Variants in PIKFYVE observed in about 807,000 individuals in gnomAD.
The protein encoded by PIKFYVE is 1-phosphatidylinositol 3-phosphate 5-kinase.
In PIKFYVE, 122 loss-of-function variants were observed where a neutral mutation model predicts 257.9. That is an observed-to-expected ratio of 0.47 (90% CI 0.41 to 0.55). The LOEUF is 0.55. Ranked by LOEUF, PIKFYVE falls within the 20% of genes least tolerant of loss-of-function variation. The probability of loss-of-function intolerance (pLI) is 0.00; values close to 1 mark genes in which losing one functional copy is unlikely to be tolerated. For synonymous variants in PIKFYVE, 892 were observed against 868.9 expected, an observed-to-expected ratio of 1.03 and a Z score of -0.47; for missense variants, 2,160 against 2,536.6, an observed-to-expected ratio of 0.85 and a Z score of 3.19.
chr2:208,321,765 A>G (rs1219180348), intron 17 of PIKFYVE, among the ~76,000 whole-genome samples: 8 of 151,754 alleles, frequency 5.3e-5, no homozygotes, highest in Admixed American at 2.6e-4. Context: ...TTTTTAGTAG[A>G]GACGGGGTTT....
At chr2:208,348,321 A>T (rs896775020) in intron 35 of PIKFYVE, among the ~76,000 whole-genome samples, 8 of 152,166 alleles carry the variant, frequency 5.3e-5, no homozygotes, top group Non-Finnish European at 2.9e-5. Flanking sequence ...ACATGTAAAA[A>T]CATTTGTCTT....
intron 16 of PIKFYVE, among the ~76,000 whole-genome samples, chr2:208,318,950 C>A (rs1487943203): frequency 4.5e-3 from 492 of 108,160 alleles, no homozygotes; most frequent in African/African-American, 6.8e-3. Context: ...GACTCCGTCT[C>A]AAAAAAAAAA....
In PIKFYVE at chr2:208,293,352, T is replaced by G. The variant is rs975274209; in HGVS notation, c.911+4534T>G. 2.6e-5 allele frequency among the ~76,000 whole-genome samples: 4 copies of G among 152,298 alleles called. No homozygotes were observed. The East Asian group carries it at 7.7e-4, about 29-fold the overall frequency. ...ACTAAGAGTAAGAAAAAGAAAAGTTTTTACTTTAACTTATTCCTTCTTTGA... is the reference window on the plus strand; with the variant it reads ...ACTAAGAGTAAGAAAAAGAAAAGTTGTTACTTTAACTTATTCCTTCTTTGA... On this transcript the variant is annotated intron_variant, in intron 7 of 41. Transcript: ENST00000264380.
chr2:208,346,600 A>C (rs769484349), intron 34 of PIKFYVE, among the ~76,000 whole-genome samples: 2 of 152,168 alleles, frequency 1.3e-5, no homozygotes, highest in Non-Finnish European at 2.9e-5. Context: ...TAAAATTTAG[A>C]TTTAGTAACT....
At position 208,355,224 on chromosome 2, in the gene PIKFYVE, C is replaced by A. The variant is rs746993661; in HGVS notation, c.6216C>A (p.Tyr2072Ter). 1.2e-6 allele frequency: 2 copies of A among 1,613,800 alleles called. No homozygotes were observed. The highest frequency in any genetic ancestry group is 2.7e-5 in the African/African-American group (2 of 74,876). ...CAACAGTGGTGTCTCCGGAGTTGTACAGGACTAGGTTTTGTGAGGCAATGG... is the reference window on the plus strand; with the variant it reads ...CAACAGTGGTGTCTCCGGAGTTGTAAAGGACTAGGTTTTGTGAGGCAATGG... ...KMPTVVSPEL[Y>*]RTRFCEAMDK... The change falls in exon 42 of 42, where the codon TAC becomes TAA. Residue 2072 changes from tyrosine (Y) to a stop codon, truncating the protein, a stop_gained. Coordinates refer to ENST00000264380, the MANE Select transcript of PIKFYVE (RefSeq NM_015040.4). LOFTEE classifies it high-confidence loss of function.
intron 7 of PIKFYVE, among the ~76,000 whole-genome samples, chr2:208,292,349 T>C (rs144541387): frequency 6.8e-4 from 104 of 152,252 alleles, no homozygotes; most frequent in African/African-American, 2.2e-3. Flanking sequence ...TATGTTGTTA[T>C]TGATTTTCTC....
At chr2:208,268,622 G>C (rs1393244315) in intron 1 of PIKFYVE, among the ~76,000 whole-genome samples, 2 of 148,772 alleles carry the variant, frequency 1.3e-5, no homozygotes, top group Non-Finnish European at 3.0e-5. Context: ...TTTTTTGAGT[G>C]TATACTTATT....
At chr2:208,293,649 ATT>A (rs1452777222) in intron 7 of PIKFYVE, among the ~76,000 whole-genome samples, 1 of 146,282 alleles carries the variant, frequency 6.8e-6, no homozygotes, top group Non-Finnish European at 1.5e-5. Context: ...AGATGTATTT[ATT>A]ATCTTTGATA....
chr2:208,329,132 A>AGTT (rs1697245282), intron 21 of PIKFYVE, among the ~76,000 whole-genome samples: 1 of 152,198 alleles, frequency 6.6e-6, no homozygotes, highest in Non-Finnish European at 1.5e-5. Flanking sequence ...ACATAGCCTT[A>AGTT]CATTACATGT....
Position 208,351,595 on chromosome 2 carries a change from G to A in PIKFYVE, c.5715+140G>A, listed in dbSNP as rs1213757009. On this transcript the variant is annotated intron_variant, in intron 38 of 41. Transcript: ENST00000264380. ...TTTGTAAAGAAAAGAGGTTTATTTGGCTCATAGTTCTGCAGGCTGTGTATA... is the reference window on the plus strand; with the variant it reads ...TTTGTAAAGAAAAGAGGTTTATTTGACTCATAGTTCTGCAGGCTGTGTATA... 4.9e-6 allele frequency: 4 copies of A among 822,650 alleles called. No homozygotes were observed. The Admixed American group carries it at 7.1e-5, about 15-fold the overall frequency. 51.0% of individuals were successfully genotyped at this position (822,650 alleles called of 1,614,324 possible). A position where few individuals can be genotyped will look rare whatever the true frequency, so the allele number is the denominator to read the frequency against.
chr2:208,338,919 G>A (rs936506594), intron 29 of PIKFYVE, among the ~76,000 whole-genome samples: 2 of 152,106 alleles, frequency 1.3e-5, no homozygotes, highest in Non-Finnish European at 2.9e-5. Flanking sequence ...CTAAAATATT[G>A]TCTAGACCTA....
chr2:208,320,465 A>G, intron 17 of PIKFYVE, 106 bp downstream of exon 17: 1 of 1,398,150 alleles, frequency 7.2e-7, no homozygotes, highest in Non-Finnish European at 1.0e-6. Flanking sequence ...TAAATTGGAT[A>G]GGCAAACTTG....
chr2:208,277,158 A>G (rs892775820), intron 4 of PIKFYVE, among the ~76,000 whole-genome samples: 18 of 152,314 alleles, frequency 1.2e-4, no homozygotes, highest in African/African-American at 4.3e-4. Context: ...ATGGATGTCC[A>G]GTTGGATATA....
intron 12 of PIKFYVE, chr2:208,305,592 A>G: frequency 8.6e-6 from 5 of 580,184 alleles, no homozygotes; most frequent in Non-Finnish European, 1.1e-5. Context: ...GCTTTAGTCT[A>G]CTGGCTGAAA....
At chr2:208,340,506 T>A (rs1698595447) in intron 31 of PIKFYVE, among the ~76,000 whole-genome samples, 1 of 152,226 alleles carries the variant, frequency 6.6e-6, no homozygotes, top group South Asian at 2.1e-4. Context: ...GTCCTAGCAC[T>A]GATGATGAAC....
intron 13 of PIKFYVE, among the ~76,000 whole-genome samples, chr2:208,313,074 T>C (rs1259799439): frequency 1.3e-5 from 2 of 152,212 alleles, no homozygotes; most frequent in Non-Finnish European, 2.9e-5. Flanking sequence ...TCACATGTCA[T>C]GGACATATAC....
At chr2:208,304,726 A>G (rs1460920249) in intron 11 of PIKFYVE, 120 bp from the exon 12 acceptor site, 1 of 889,564 alleles carries the variant, frequency 1.1e-6, no homozygotes, top group East Asian at 2.5e-5. Context: ...CCATTTTGGT[A>G]TTGCACATTG....
chr2:208,267,631 C>G (rs1257966395), intron 1 of PIKFYVE, among the ~76,000 whole-genome samples: 3 of 151,944 alleles, frequency 2.0e-5, no homozygotes, highest in Admixed American at 1.3e-4. Context: ...CCTCAGCCTC[C>G]TGAGTAGCTA....
intron 32 of PIKFYVE, among the ~76,000 whole-genome samples, chr2:208,343,437 C>T (rs910792726): frequency 6.6e-6 from 1 of 152,120 alleles, no homozygotes; most frequent in African/African-American, 2.4e-5. Context: ...TGTGGATGTC[C>T]GAACCTACAG....
Sources: allele counts gnomAD v4.1 joint callset (sites outside exome capture counted in the v4.1 genomes callset), GRCh38; gene constraint gnomAD v4.1.1; transcripts MANE v1.5; gene names NCBI Gene and HGNC (gene_info 2026-07-23, HGNC 2026-07-21).